KIAA1549L: variants seen among roughly 807,000 people sequenced by gnomAD.
The protein encoded by KIAA1549L is UPF0606 protein KIAA1549L.
A neutral mutation model predicts 160.7 loss-of-function variants in KIAA1549L; 88 were observed. The ratio of observed to expected loss-of-function variants is 0.55; its 90% CI spans 0.46 to 0.65. The LOEUF (loss-of-function observed/expected upper bound fraction) is 0.65. KIAA1549L is among the 30% of genes least tolerant of loss of function. The probability of loss-of-function intolerance (pLI) is 0.00; values close to 1 mark genes in which losing one functional copy is unlikely to be tolerated. For synonymous variants in KIAA1549L, 950 were observed against 976.7 expected (o/e 0.97, Z 0.51); for missense variants, 2,258 against 2,437.5 (o/e 0.93, Z 1.55).
chr11:33,626,129 T>C (rs1851105880), intron 16 of KIAA1549L, among the ~76,000 whole-genome samples: 1 of 149,810 alleles, frequency 6.7e-6, no homozygotes, highest in African/African-American at 2.5e-5. Flanking sequence ...ATCTCTGTTT[T>C]GGTACCAGTA....
chr11:33,468,379 A>G (rs77824607), intron 1 of KIAA1549L, among the ~76,000 whole-genome samples: 3 of 152,240 alleles, frequency 2.0e-5, no homozygotes, highest in East Asian at 3.8e-4. Flanking sequence ...TATCAAAAAC[A>G]AATTAGTTTC....
At chr11:33,546,138 A>G (rs1195342158) in intron 3 of KIAA1549L, among the ~76,000 whole-genome samples, 1 of 152,194 alleles carries the variant, frequency 6.6e-6, no homozygotes, top group East Asian at 1.9e-4. Context: ...AAAATTAGAC[A>G]AATTATTTGA....
At chr11:33,538,187 T>G (rs1853935660) in intron 1 of KIAA1549L, among the ~76,000 whole-genome samples, 1 of 152,176 alleles carries the variant, frequency 6.6e-6, no homozygotes, top group Admixed American at 6.5e-5. Flanking sequence ...GAGAACTCAC[T>G]CACTATCCTG....
chr11:33,437,650 G>A (rs1252983723), intron 1 of KIAA1549L, among the ~76,000 whole-genome samples: 1 of 152,228 alleles, frequency 6.6e-6, no homozygotes, highest in Non-Finnish European at 1.5e-5. Flanking sequence ...ATAAATAGCA[G>A]CTGTTACAAA....
chr11:33,497,629 A>G (rs1852850610), intron 1 of KIAA1549L, among the ~76,000 whole-genome samples: 1 of 152,196 alleles, frequency 6.6e-6, no homozygotes, highest in African/African-American at 2.4e-5. Context: ...GTTGCAACCT[A>G]TTTATCAGTG....
At chr11:33,616,872 C>G (rs1850824842) in intron 15 of KIAA1549L, among the ~76,000 whole-genome samples, 1 of 152,146 alleles carries the variant, frequency 6.6e-6, no homozygotes, top group African/African-American at 2.4e-5. Context: ...GGCACGGAGG[C>G]TCACACCTGT....
At position 33,455,139 on chromosome 11, in the gene KIAA1549L, T is replaced by A. The variant is rs567171375; in HGVS notation, c.238+78250T>A. Among the ~76,000 whole-genome samples, 28 of 152,218 alleles carry A rather than the reference T, an allele frequency of 1.8e-4. 1 individual carries two copies. In the South Asian group the frequency reaches 5.2e-3, roughly 28 times the overall value. ...AACAAACAACAACAAAAAAACCGTTTAGCAAAACAAAGGTTTAATGATTGC... is the reference window on the plus strand; with the variant it reads ...AACAAACAACAACAAAAAAACCGTTAAGCAAAACAAAGGTTTAATGATTGC... On this transcript the variant is annotated intron_variant, in intron 1 of 20. Coordinates refer to ENST00000658780, the MANE Select transcript of KIAA1549L (RefSeq NM_012194.3).
chr11:33,450,317 G>C (rs1013995706), intron 1 of KIAA1549L, among the ~76,000 whole-genome samples: 5 of 152,130 alleles, frequency 3.3e-5, no homozygotes, highest in African/African-American at 1.2e-4. Flanking sequence ...CAGCACTTTG[G>C]GAGGCTGTGG....
Position 33,435,773 on chromosome 11 carries a change from T to C in KIAA1549L, c.238+58884T>C, listed in dbSNP as rs1394172961. Among the ~76,000 whole-genome samples, 42 of 9,386 alleles carry C rather than the reference T, an allele frequency of 4.5e-3. 2 individuals are homozygous for C. Among genetic ancestry groups the C allele is most frequent in the African/African-American group, 0.012 (31 of 2,654 alleles). 6.2% of individuals were successfully genotyped at this position (9,386 alleles called of 152,430 possible). On this transcript the variant is annotated intron_variant, in intron 1 of 20. Coordinates refer to ENST00000658780, the MANE Select transcript of KIAA1549L (RefSeq NM_012194.3). ...AGAACCAATAAGATATATATATATA[T>C]ATATATATATATATATATATATATA...
chr11:33,655,926 T>C (rs911935876), intron 17 of KIAA1549L, 86 bp from the exon 18 acceptor site: 1 of 877,130 alleles, frequency 1.1e-6, no homozygotes, highest in African/African-American at 1.7e-5. Context: ...CTTGGAAGTT[T>C]GCTTCCTCCT....
rs532604689 is a variant in KIAA1549L, at chr11:33,633,245, C to T, written c.5410-12441C>T. 2.7e-5 allele frequency among the ~76,000 whole-genome samples: 4 copies of T among 149,432 alleles called. No homozygotes were observed. In the South Asian group the frequency reaches 6.3e-4, roughly 24 times the overall value. The stretch of plus-strand genomic sequence containing the variant: ...AACTCCTGACCTCAGGTGATCTGCC[C>T]GCCTCTTTCTCCCAAAGTCCTGGGA... On this transcript the variant is annotated intron_variant, in intron 16 of 20. Coordinates refer to ENST00000658780, the MANE Select transcript of KIAA1549L (RefSeq NM_012194.3).
intron 17 of KIAA1549L, among the ~76,000 whole-genome samples, chr11:33,654,472 G>A (rs1180969012): frequency 1.3e-5 from 2 of 152,162 alleles, no homozygotes; most frequent in Non-Finnish European, 2.9e-5. Flanking sequence ...CTGAGAGACT[G>A]CTTTAGGGAT....
At chr11:33,612,243 G>T (rs553152765) in intron 15 of KIAA1549L, among the ~76,000 whole-genome samples, 91 of 152,226 alleles carry the variant, frequency 6.0e-4, no homozygotes, top group African/African-American at 2.1e-3. Context: ...ACACTCTGCT[G>T]TTGACTCCAG....
At chr11:33,517,566 GTT>G (rs1430853978) in intron 1 of KIAA1549L, among the ~76,000 whole-genome samples, 1 of 152,082 alleles carries the variant, frequency 6.6e-6, no homozygotes, top group Non-Finnish European at 1.5e-5. Context: ...GAAGAGTTGG[GTT>G]CATATAGACT....
intron 11 of KIAA1549L, among the ~76,000 whole-genome samples, chr11:33,586,809 G>T (rs574619250): frequency 6.6e-6 from 1 of 152,072 alleles, no homozygotes; most frequent in South Asian, 2.1e-4. Context: ...CTAAACCTCA[G>T]TTGCTTTATC....
intron 1 of KIAA1549L, among the ~76,000 whole-genome samples, chr11:33,442,934 G>A (rs371262463): frequency 6.6e-5 from 10 of 151,970 alleles, no homozygotes; most frequent in African/African-American, 1.9e-4. Context: ...TATGTCCTTG[G>A]CTATGTCTGA....
intron 1 of KIAA1549L, among the ~76,000 whole-genome samples, chr11:33,500,720 T>C (rs1355606409): frequency 6.6e-6 from 1 of 152,188 alleles, no homozygotes; most frequent in East Asian, 1.9e-4. Context: ...CCAATCACCC[T>C]GATTTGATCA....
At chr11:33,574,632 T>C in intron 9 of KIAA1549L, 70 bp from the exon 10 acceptor site, 1 of 1,445,030 alleles carries the variant, frequency 6.9e-7, no homozygotes, top group South Asian at 1.3e-5. Context: ...GAACATCTGC[T>C]GATCACCTGG....
intron 1 of KIAA1549L, among the ~76,000 whole-genome samples, chr11:33,520,019 T>G (rs900171191): frequency 7.9e-5 from 12 of 152,090 alleles, no homozygotes; most frequent in African/African-American, 2.4e-4. Context: ...TGTGTATAAC[T>G]TGATGTGTTT....
Sources: gnomAD v4.1 joint callset for allele counts (sites outside exome capture counted in the v4.1 genomes callset) on GRCh38, gnomAD v4.1.1 for gene constraint, MANE v1.5 for transcripts, NCBI Gene and HGNC (gene_info 2026-07-23, HGNC 2026-07-21) for gene names.